S1PR3: variants seen among roughly 807,000 people sequenced by gnomAD.
The protein encoded by S1PR3 is sphingosine-1-phosphate receptor 3.
S1PR3 carries 12 observed loss-of-function variants against 13.3 expected under a neutral mutation model. The observed-to-expected ratio is 0.90, with a 90% CI of 0.58 to 1.46. The LOEUF (loss-of-function observed/expected upper bound fraction) is 1.46. Among genes scored for constraint, S1PR3 ranks in the 40% most tolerant of loss-of-function variants. The probability of loss-of-function intolerance (pLI) is 0.00; values close to 1 mark genes in which losing one functional copy is unlikely to be tolerated. For synonymous variants in S1PR3, 232 were observed against 214.0 expected (o/e 1.08, Z -0.73); for missense variants, 450 against 501.9 (o/e 0.90, Z 0.99).
intron 1 of S1PR3, chr9:88,996,921 C>T (rs1260706154): frequency 6.6e-6 from 1 of 152,276 alleles, no homozygotes; most frequent in Non-Finnish European, 1.5e-5. Flanking sequence ...TGGTACCCCT[C>T]AGGAGCGGAG....
intron 1 of S1PR3, chr9:88,998,217 C>T (rs1825828920): frequency 2.0e-5 from 3 of 152,352 alleles, no homozygotes; most frequent in Admixed American, 1.3e-4. Context: ...TAGTTCACAC[C>T]TGTAATCCCA....
intron 1 of S1PR3, chr9:88,992,078 C>T: frequency 1.3e-6 from 2 of 1,544,838 alleles, no homozygotes; most frequent in Non-Finnish European, 1.8e-6. Flanking sequence ...TTCTTTTAAA[C>T]AATATTCGCC....
intron 1 of S1PR3, chr9:88,997,120 A>G (rs1032294676): frequency 2.0e-5 from 3 of 152,242 alleles, no homozygotes; most frequent in African/African-American, 7.2e-5. Flanking sequence ...TGCAAAATGC[A>G]GAGAATCATA....
In S1PR3 at chr9:89,001,254, G is replaced by A; in HGVS notation, c.54G>A (p.Leu18=). ...RLQPVRGNET[L]REHYQYVGKL... is the part of the protein sequence containing the mutation. Reference sequence around the variant, plus strand: ...AGCCGGTGCGGGGGAACGAGACCCTGCGGGAGCATTACCAGTACGTGGGGA... The same window carrying A: ...AGCCGGTGCGGGGGAACGAGACCCTACGGGAGCATTACCAGTACGTGGGGA... The change falls in exon 2 of 2, where the codon CTG becomes CTA. Residue 18 remains leucine (L), a synonymous_variant. Coordinates refer to ENST00000358157, the MANE Select transcript of S1PR3 (RefSeq NM_005226.4). The A allele has an allele frequency of 6.2e-7, 1 of 1,614,170 alleles. No homozygotes were observed. Among genetic ancestry groups the A allele is most frequent in the Non-Finnish European group, 8.5e-7 (1 of 1,180,028 alleles).
At position 89,003,961 on chromosome 9, in the gene S1PR3, A is replaced by G. The variant is rs1161984397; in HGVS notation, c.*1624A>G. On this transcript the variant is annotated 3_prime_UTR_variant, in exon 2 of 2. Coordinates refer to ENST00000358157, the MANE Select transcript of S1PR3 (RefSeq NM_005226.4). ...TCTAATTTTTGTTACTGATGAGATG[A>G]AACCTATTTGTAAGGAGATCTTCCC... The G allele has an allele frequency of 6.0e-6, 1 of 166,908 alleles. No individual in the cohort carries two copies. The highest frequency in any genetic ancestry group is 1.9e-4 in the East Asian group (1 of 5,208). The allele number at this position is 166,908 out of a possible 1,614,324, so 10.3% of individuals were successfully genotyped here.
At chr9:88,999,087 A>G (rs35264357) in intron 1 of S1PR3, 2,043 of 152,470 alleles carry the variant, frequency 0.013, 23 homozygotes, top group Non-Finnish European at 0.022. Flanking sequence ...TGCAGTTAGC[A>G]GAGGGCCTTG....
In S1PR3 at chr9:88,991,732, T is replaced by TG; in HGVS notation, c.-148+43dup. The TG allele has an allele frequency of 6.5e-7, 1 of 1,532,648 alleles. No individual in the cohort carries two copies. The highest frequency in any genetic ancestry group is 8.8e-7 in the Non-Finnish European group (1 of 1,138,744). The allele number at this position is 1,532,648 out of a possible 1,614,324, so 94.9% of individuals were successfully genotyped here. On this transcript the variant is annotated intron_variant, in intron 1 of 1. Coordinates refer to ENST00000358157, the MANE Select transcript of S1PR3 (RefSeq NM_005226.4). The surrounding 1 kb of genome is among the most constrained non-coding windows in gnomAD (Gnocchi z 4.0). ...GCCCGGGCGGGGCGCGGAACCAGGG[T>TG]GGGGGGCTGGGGGCCGAAGGACCCA...
In S1PR3 at chr9:88,995,696, C is replaced by T. The variant is rs539824753; in HGVS notation, c.-148+4001C>T. On this transcript the variant is annotated intron_variant, in intron 1 of 1. Coordinates refer to ENST00000358157, the MANE Select transcript of S1PR3 (RefSeq NM_005226.4). ...GAACTCAGGTAAGTTCAGATGTAAG[C>T]AGTGTCTCTCAGTAAACATGAAAAG... The T allele has an allele frequency of 3.6e-5, 6 of 167,184 alleles. No homozygotes were observed. The South Asian group carries it at 8.3e-4, about 23-fold the overall frequency. 10.4% of individuals were successfully genotyped at this position (167,184 alleles called of 1,614,324 possible). A position where few individuals can be genotyped will look rare whatever the true frequency, so the allele number is the denominator to read the frequency against.
rs1047685851 is a variant in S1PR3 at position 88,991,515 on chromosome 9, A to C, written c.-328A>C. 1.3e-6 allele frequency: 2 copies of C among 1,547,632 alleles called. No homozygotes were observed. The highest frequency in any genetic ancestry group is 1.2e-5 in the South Asian group (1 of 83,978). The stretch of plus-strand genomic sequence containing the variant: ...GGGGACGGGCAACAGGGACTCAGGG[A>C]CCAGAAGGCGGCTGCAGGACGCGAC... On this transcript the variant is annotated 5_prime_UTR_variant, in exon 1 of 2. Coordinates refer to ENST00000358157, the MANE Select transcript of S1PR3 (RefSeq NM_005226.4). This position sits in a 1 kb window ranked among gnomAD's most constrained non-coding sequence, Gnocchi z 4.0.
At chr9:88,994,795 G>C (rs1483152586) in intron 1 of S1PR3, 2 of 167,166 alleles carry the variant, frequency 1.2e-5, no homozygotes, top group African/African-American at 4.8e-5. Flanking sequence ...AGTCTAACCA[G>C]GGAAGTGCAC....
rs1564056690 is a variant in S1PR3, at chr9:88,991,821, G to A, written c.-148+126G>A. ...GGGACTTGGGCGCGCCACGGCGGCC[G>A]GAGCGCTCCACATCAGCACCCCTCC... On this transcript the variant is annotated intron_variant, in intron 1 of 1. Transcript: ENST00000358157. The surrounding 1 kb of genome is among the most constrained non-coding windows in gnomAD (Gnocchi z 4.0). 2.5e-6 allele frequency: 4 copies of A among 1,610,396 alleles called. No individual in the cohort carries two copies. The highest frequency in any genetic ancestry group is 1.1e-5 in the South Asian group (1 of 90,772).
upstream of S1PR3, chr9:88,991,379 C>A: frequency 6.5e-6 from 1 of 153,404 alleles, no homozygotes; most frequent in East Asian, 8.0e-4. This position sits in a 1 kb window ranked among gnomAD's most constrained non-coding sequence, Gnocchi z 4.0. Flanking sequence ...GGGAGAGGGG[C>A]GGGAGTCGGG....
upstream of S1PR3, chr9:88,991,275 C>T (rs1264235106): frequency 3.9e-6 from 5 of 1,276,028 alleles, no homozygotes; most frequent in Admixed American, 4.2e-5. The surrounding 1 kb of genome is among the most constrained non-coding windows in gnomAD (Gnocchi z 4.0). Context: ...AGGCTAGGGG[C>T]GGGCGGGGCG....
At position 89,001,443 on chromosome 9, in the gene S1PR3, G is replaced by C; in HGVS notation, c.243G>C (p.Leu81=). ...HNRMYFFIGN[L]ALCDLLAGIA... is the part of the protein sequence containing the mutation. Reference sequence around the variant, plus strand: ...GCATGTACTTTTTCATTGGCAACCTGGCTCTCTGCGACCTGCTGGCCGGCA... The same window carrying C: ...GCATGTACTTTTTCATTGGCAACCTCGCTCTCTGCGACCTGCTGGCCGGCA... The change falls in exon 2 of 2, where the codon CTG becomes CTC. Residue 81 remains leucine, a synonymous_variant. Coordinates refer to ENST00000358157, the MANE Select transcript of S1PR3 (RefSeq NM_005226.4). 7.4e-6 allele frequency: 12 copies of C among 1,614,202 alleles called. No homozygotes were observed. Among genetic ancestry groups the C allele is most frequent in the Non-Finnish European group, 1.0e-5 (12 of 1,180,034 alleles).
Position 88,991,959 on chromosome 9 carries a change from T to C in S1PR3, c.-148+264T>C. ...AGTGGAGAGGCTGTTCGTGGAGAAGTTCCATCAGTCGTTTTCCTTGGACAA... is the reference window on the plus strand; with the variant it reads ...AGTGGAGAGGCTGTTCGTGGAGAAGCTCCATCAGTCGTTTTCCTTGGACAA... On this transcript the variant is annotated intron_variant, in intron 1 of 1. Transcript: ENST00000358157. The surrounding 1 kb of genome is among the most constrained non-coding windows in gnomAD (Gnocchi z 4.0). 1 of 1,614,238 alleles carries C rather than the reference T, an allele frequency of 6.2e-7. No individual in the cohort carries two copies. The highest frequency in any genetic ancestry group is 8.5e-7 in the Non-Finnish European group (1 of 1,180,040).
At chr9:88,996,801 C>G (rs1825808522) in intron 1 of S1PR3, 1 of 152,306 alleles carries the variant, frequency 6.6e-6, no homozygotes, top group South Asian at 2.1e-4. Flanking sequence ...TAGTACCAAT[C>G]CGCCAGAGTG....
In S1PR3 at chr9:88,991,579, C is replaced by G; in HGVS notation, c.-264C>G. ...AGGCCCGGGAACGACGTCGCGAGCG[C>G]TGAGACTGCCGGGCCTCCCAGCCCA... On this transcript the variant is annotated 5_prime_UTR_variant, in exon 1 of 2. Coordinates refer to ENST00000358157, the MANE Select transcript of S1PR3 (RefSeq NM_005226.4). The surrounding 1 kb of genome is among the most constrained non-coding windows in gnomAD (Gnocchi z 4.0). 6.5e-7 allele frequency: 1 copy of G among 1,544,830 alleles called. No individual in the cohort carries two copies. The highest frequency in any genetic ancestry group is 2.0e-5 in the Admixed American group (1 of 50,808).
rs770894998 is a variant in S1PR3, at chr9:89,001,286, C to T, written c.86C>T (p.Ala29Val). The T allele has an allele frequency of 3.7e-6, 6 of 1,614,006 alleles. No individual in the cohort carries two copies. In the Admixed American group the frequency reaches 6.7e-5, roughly 18 times the overall value. The change falls in exon 2 of 2, where the codon GCG becomes GTG. Residue 29 changes from alanine (A) to valine (V), a missense_variant. By Grantham distance (64) the Ala-to-Val change is moderately conservative. Transcript: ENST00000358157. ...CATTACCAGTACGTGGGGAAGTTGG[C>T]GGGCAGGCTGAAGGAGGCCTCCGAG... is the stretch of plus-strand genomic sequence containing the variant. ...REHYQYVGKL[A>V]GRLKEASEGS...
rs1825878324 is a variant in S1PR3 at position 89,002,232 on chromosome 9, T to C, written c.1032T>C (p.Asn344=). 2 of 1,613,842 alleles carry C rather than the reference T, an allele frequency of 1.2e-6. No individual in the cohort carries two copies. The highest frequency in any genetic ancestry group is 1.3e-5 in the African/African-American group (1 of 74,976). ...GAAGTAAATCAAGCAGCAGCAACAA[T>C]AGCAGCCACTCTCCGAAGGTCAAGG... ...PSRSKSSSSN[N]SSHSPKVKED... The change falls in exon 2 of 2, where the codon AAT becomes AAC. Residue 344 remains asparagine, a synonymous_variant. Transcript: ENST00000358157.
Sources: gnomAD v4.1 joint callset for allele counts on GRCh38, gnomAD v4.1.1 for gene constraint, Gnocchi (gnomAD v3.1) non-coding constraint, MANE v1.5 for transcripts, NCBI Gene and HGNC (gene_info 2026-07-23, HGNC 2026-07-21) for gene names.